SCN1A: variants seen among roughly 807,000 people sequenced by gnomAD.
The protein encoded by SCN1A is sodium voltage-gated channel alpha subunit 1, also known as sodium channel protein type 1 subunit alpha.
A neutral mutation model predicts 193.7 loss-of-function variants in SCN1A; 13 were observed. The ratio of observed to expected loss-of-function variants is 0.07; its 90% CI spans 0.04 to 0.11. The LOEUF is 0.11. Among genes scored for constraint, SCN1A ranks in the 10% least tolerant of loss-of-function variants. SCN1A has a pLI of 1.00. For missense variants in SCN1A, 1,432 were observed against 2,451.1 expected, an observed-to-expected ratio of 0.58 and a Z score of 8.78; for synonymous variants, 781 against 843.6, an observed-to-expected ratio of 0.93 and a Z score of 1.29.
intron 2 of SCN1A, among the ~76,000 whole-genome samples, chr2:166,116,206 G>T (rs1219245499): frequency 6.6e-6 from 1 of 152,224 alleles, no homozygotes; most frequent in Non-Finnish European, 1.5e-5. Flanking sequence ...GTCACTGGTG[G>T]TAGTATGGAG....
chr2:166,127,203 A>T (rs1691348834), intron 1 of SCN1A, 193 bp from the exon 2 acceptor site: 1 of 152,162 alleles, frequency 6.6e-6, no homozygotes, highest in African/African-American at 2.4e-5. Flanking sequence ...GGGGGGCGGA[A>T]ATCATTGCCC....
intron 3 of SCN1A, among the ~76,000 whole-genome samples, chr2:166,074,861 CATT>C (rs1452202214): frequency 4.6e-5 from 7 of 152,134 alleles, no homozygotes; most frequent in South Asian, 2.1e-4. Flanking sequence ...AGGAGGTTCT[CATT>C]GTTGTGAGGT....
rs3032638 is a variant in SCN1A at position 166,039,403 on chromosome 2, CTTTTT to C, written c.2589+15_2589+19del. 2,293 of 1,522,936 alleles carry C rather than the reference CTTTTT, an allele frequency of 1.5e-3. No individual in the cohort carries two copies. The highest frequency in any genetic ancestry group is 5.4e-3 in the Admixed American group (296 of 54,446). The allele number at this position is 1,522,936 out of a possible 1,614,324, so 94.3% of individuals were successfully genotyped here. On this transcript the variant is annotated intron_variant, in intron 17 of 28. Coordinates refer to ENST00000674923, the MANE Select transcript of SCN1A (RefSeq NM_001165963.4). Reference sequence around the variant, plus strand: ...GTTAGAAAGGTTTTTGAATTTGGTGCTTTTTTTTTTTTTTTTTACCAATCGAAATG... The same window carrying C: ...GTTAGAAAGGTTTTTGAATTTGGTGCTTTTTTTTTTTTACCAATCGAAATG...
At chr2:166,004,350 C>T (rs1210354292) in intron 23 of SCN1A, among the ~76,000 whole-genome samples, 3 of 151,176 alleles carry the variant, frequency 2.0e-5, no homozygotes, top group African/African-American at 7.3e-5. Flanking sequence ...CCTTCAACAC[C>T]CAATTTAGAG....
At chr2:166,041,562 C>A in intron 15 of SCN1A, 93 bp from the exon 16 acceptor site, 3 of 903,704 alleles carry the variant, frequency 3.3e-6, no homozygotes, top group South Asian at 1.4e-5. Context: ...TTTCAGTAAT[C>A]AACACATTTT....
chr2:166,030,305 C>T (rs909621206), intron 19 of SCN1A, among the ~76,000 whole-genome samples: 1 of 152,090 alleles, frequency 6.6e-6, no homozygotes. Context: ...AACAGTGTGT[C>T]TTACGGCATA....
Position 166,043,807 on chromosome 2 carries a change from A to T in SCN1A, c.1905T>A (p.Phe635Leu). The change falls in exon 14 of 29, where the codon TTT (phenylalanine) becomes TTA (leucine). Residue 635 changes from phenylalanine to leucine, a missense_variant. Physicochemically the swap from Phe to Leu is conservative, Grantham distance 22. Around this residue, in one of 18 missense-constraint regions of SCN1A, gnomAD observed 316 missense variants for 362.1 expected, o/e 0.87. Transcript: ENST00000674923. ...TGCTGTGCATCTTCCCATTCGCTGG[A>T]AACACTGCCAGCATCCGGGATGACC... ...TSRSSRMLAVFPANGKMHSTV... is the reference protein window; with the variant it reads ...TSRSSRMLAVLPANGKMHSTV... 1 of 1,614,182 alleles carries T rather than the reference A, an allele frequency of 6.2e-7. No individual in the cohort carries two copies. Among genetic ancestry groups the T allele is most frequent in the South Asian group, 1.1e-5 (1 of 91,088 alleles).
rs1326158259 is a variant in SCN1A at position 165,996,091 on chromosome 2, T to A, written c.4503A>T (p.Thr1501=). The A allele has an allele frequency of 1.2e-6, 2 of 1,608,242 alleles. No individual in the cohort carries two copies. The highest frequency in any genetic ancestry group is 1.7e-5 in the Admixed American group (1 of 59,696). The change falls in exon 27 of 29, where the codon ACA becomes ACT. Residue 1501 remains threonine, a synonymous_variant. Transcript: ENST00000674923. The part of the protein sequence containing the change: ...KKFGGQDIFM[T]EEQKKYYNAM... ...CATTATAGTATTTCTTCTGTTCTTCTGTCATAAAGATGTCTTGACCTCCAA... is the reference window on the plus strand; with the variant it reads ...CATTATAGTATTTCTTCTGTTCTTCAGTCATAAAGATGTCTTGACCTCCAA...
chr2:166,058,471 AT>A (rs1699339441), intron 5 of SCN1A, 98 bp downstream of exon 5: 10 of 708,102 alleles, frequency 1.4e-5, no homozygotes, highest in Non-Finnish European at 2.5e-5. Flanking sequence ...GATGAAAACT[AT>A]ATAATATGGA....
intron 2 of SCN1A, among the ~76,000 whole-genome samples, chr2:166,106,215 G>T (rs1688676559): frequency 1.3e-5 from 2 of 152,070 alleles, no homozygotes; most frequent in Non-Finnish European, 2.9e-5. Flanking sequence ...AACAAAAAAA[G>T]ATACAGAAAC....
Position 166,039,464 on chromosome 2 carries a change from C to G in SCN1A, c.2548G>C (p.Ala850Pro). 1 of 1,612,110 alleles carries G rather than the reference C, an allele frequency of 6.2e-7. No homozygotes were observed. The highest frequency in any genetic ancestry group is 8.5e-7 in the Non-Finnish European group (1 of 1,179,676). ...VTLSLVELGLANVEGLSVLRS... is the reference protein window; with the variant it reads ...VTLSLVELGLPNVEGLSVLRS... ...AGAACAGATAATCCTTCCACATTGG[C>G]GAGTCCAAGTTCTACCAGGCTAAGC... The change falls in exon 17 of 29, where the codon GCC (alanine) becomes CCC (proline). Residue 850 changes from alanine to proline, a missense_variant. Coordinates refer to ENST00000674923, the MANE Select transcript of SCN1A (RefSeq NM_001165963.4).
At chr2:166,048,837 G>A in intron 10 of SCN1A, 49 bp downstream of exon 10, 6 of 1,113,572 alleles carry the variant, frequency 5.4e-6, no homozygotes, top group Non-Finnish European at 8.3e-6. Flanking sequence ...ATACACATAT[G>A]TATGTGTACA....
intron 22 of SCN1A, among the ~76,000 whole-genome samples, chr2:166,010,073 A>C (rs1009823437): frequency 6.6e-6 from 1 of 151,158 alleles, no homozygotes; most frequent in Non-Finnish European, 1.5e-5. Flanking sequence ...AATGTCATAT[A>C]ATTTATCAAC....
intron 13 of SCN1A, among the ~76,000 whole-genome samples, chr2:166,044,514 A>C (rs576279197): frequency 6.6e-6 from 1 of 152,248 alleles, no homozygotes; most frequent in South Asian, 2.1e-4. Context: ...TTTAATTATT[A>C]TTTCTTTTTC....
intron 2 of SCN1A, among the ~76,000 whole-genome samples, chr2:166,084,289 T>C (rs60055328): frequency 0.23 from 33,395 of 148,144 alleles, 3,867 homozygotes; most frequent in Middle Eastern, 0.4. Flanking sequence ...CTTCCCACTC[T>C]GGACTGTGCC....
intron 8 of SCN1A, 118 bp downstream of exon 8, chr2:166,052,734 C>A (rs1698718253): frequency 2.3e-6 from 2 of 858,648 alleles, no homozygotes; most frequent in South Asian, 2.9e-5. Flanking sequence ...CAATAAGAAT[C>A]ATTTTCTTTG....
chr2:166,076,315 G>A (rs1481786756), intron 3 of SCN1A, among the ~76,000 whole-genome samples: 1 of 151,742 alleles, frequency 6.6e-6, no homozygotes, highest in Non-Finnish European at 1.5e-5. Flanking sequence ...TAGTATTTTG[G>A]TGGTTTAATG....
At chr2:166,147,074 C>A (rs1247904968) in intron 1 of SCN1A, among the ~76,000 whole-genome samples, 1 of 93,890 alleles carries the variant, frequency 1.1e-5, no homozygotes, top group Non-Finnish European at 2.0e-5. Flanking sequence ...ACACAGATTG[C>A]CAGGACCCAT....
chr2:166,035,319 C>G (rs1696182268), intron 19 of SCN1A, among the ~76,000 whole-genome samples: 1 of 152,060 alleles, frequency 6.6e-6, no homozygotes, highest in Non-Finnish European at 1.5e-5. Context: ...TTAGATCGTT[C>G]ATTCATTCAT....
Sources: allele counts gnomAD v4.1 joint callset (sites outside exome capture counted in the v4.1 genomes callset), GRCh38; gene constraint gnomAD v4.1.1; regional missense constraint gnomAD v4.1.1; transcripts MANE v1.5; gene names NCBI Gene and HGNC (gene_info 2026-07-23, HGNC 2026-07-21).